HEBP2: variants seen among roughly 807,000 people sequenced by gnomAD.
The protein encoded by HEBP2 is heme binding protein 2, also known as heme-binding protein 2.
In HEBP2, 27 loss-of-function variants were observed where a neutral mutation model predicts 23.1. That is an observed-to-expected ratio of 1.17 (90% CI 0.86 to 1.61). The LOEUF is 1.61. Ranked by LOEUF, HEBP2 falls within the 40% of genes most tolerant of loss-of-function variation. The pLI is 0.00. For missense variants in HEBP2, 245 were observed against 253.8 expected, an observed-to-expected ratio of 0.97 and a Z score of 0.24; for synonymous variants, 99 against 95.1, an observed-to-expected ratio of 1.04 and a Z score of -0.24.
Position 138,421,353 on chromosome 6 carries a change from T to C in HEBP2, c.*8275T>C, listed in dbSNP as rs969232441. The C allele has an allele frequency of 6.6e-6, 1 of 152,134 alleles. No individual in the cohort carries two copies. Among genetic ancestry groups the C allele is most frequent in the Non-Finnish European group, 1.5e-5 (1 of 68,024 alleles). 9.4% of individuals were successfully genotyped at this position (152,134 alleles called of 1,614,324 possible). ...AGAAAGACGGAGACACAGAAACGTC[T>C]CCTTTTCACTGTGATTCTCCTAAGG... On this transcript the variant is annotated 3_prime_UTR_variant, in exon 4 of 4. Coordinates refer to ENST00000607197, the MANE Select transcript of HEBP2 (RefSeq NM_014320.3).
chr6:138,409,383 A>G (rs528721561), intron 3 of HEBP2, among the ~76,000 whole-genome samples: 1 of 152,304 alleles, frequency 6.6e-6, no homozygotes, highest in Non-Finnish European at 1.5e-5. Flanking sequence ...TTGATTGTCA[A>G]ATCTGGCCCA....
Position 138,413,169 on chromosome 6 carries a change from T to A in HEBP2, c.*91T>A. 1 of 964,964 alleles carries A rather than the reference T, an allele frequency of 1.0e-6. No homozygotes were observed. The highest frequency in any genetic ancestry group is 1.6e-6 in the Non-Finnish European group (1 of 623,066). The allele number at this position is 964,964 out of a possible 1,614,324, so 59.8% of individuals were successfully genotyped here. On this transcript the variant is annotated 3_prime_UTR_variant, in exon 4 of 4. Transcript: ENST00000607197. ...CTATAAGTAAAGTGCGTGTCTAGTG[T>A]CTTCTATTGAGAGTACTACTATTAA... is the stretch of plus-strand genomic sequence containing the variant.
At chr6:138,407,165 A>G (rs565616068) in intron 3 of HEBP2, among the ~76,000 whole-genome samples, 23 of 152,336 alleles carry the variant, frequency 1.5e-4, no homozygotes, top group Middle Eastern at 3.4e-3. Flanking sequence ...CAAAAGTCTT[A>G]ATTCATTCCA....
intron 1 of HEBP2, 48 bp downstream of exon 1, chr6:138,404,645 A>G: frequency 8.5e-7 from 1 of 1,173,928 alleles, no homozygotes; most frequent in Non-Finnish European, 1.1e-6. Context: ...CTTCCGGCTG[A>G]TTTGCAGTGA....
chr6:138,404,729 C>A, intron 1 of HEBP2, 132 bp downstream of exon 1: 1 of 536,510 alleles, frequency 1.9e-6, no homozygotes, highest in Non-Finnish European at 2.9e-6. Context: ...CACTATGCTA[C>A]GCAAACGAGA....
At chr6:138,410,479 CTTTTT>C (rs59336303) in intron 3 of HEBP2, among the ~76,000 whole-genome samples, 1 of 134,896 alleles carries the variant, frequency 7.4e-6, no homozygotes, top group Non-Finnish European at 1.6e-5. Flanking sequence ...ATGTTTCTTT[CTTTTT>C]TTTTTTTTTT....
intron 3 of HEBP2, among the ~76,000 whole-genome samples, chr6:138,410,635 C>T (rs1027602594): frequency 3.9e-5 from 6 of 152,058 alleles, no homozygotes; most frequent in Non-Finnish European, 5.9e-5. Flanking sequence ...GTCACCCCTC[C>T]TCACTATGCC....
rs1385609041 is a variant in HEBP2, at chr6:138,417,203, A to T, written c.*4125A>T. On this transcript the variant is annotated 3_prime_UTR_variant, in exon 4 of 4. Coordinates refer to ENST00000607197, the MANE Select transcript of HEBP2 (RefSeq NM_014320.3). The stretch of plus-strand genomic sequence containing the variant: ...AGCAGATCTCCTGGGCCTGCAGGTT[A>T]TCTGCCTAATCCCTGAATGTATAAT... The T allele has an allele frequency of 6.6e-6, 1 of 152,218 alleles. No individual in the cohort carries two copies. The highest frequency in any genetic ancestry group is 1.5e-5 in the Non-Finnish European group (1 of 68,042). 9.4% of individuals were successfully genotyped at this position (152,218 alleles called of 1,614,324 possible). A position where few individuals can be genotyped will look rare whatever the true frequency, so the allele number is the denominator to read the frequency against.
intron 3 of HEBP2, chr6:138,412,240 C>T (rs1774759344): frequency 5.9e-6 from 2 of 340,266 alleles, no homozygotes; most frequent in Non-Finnish European, 1.1e-5. Flanking sequence ...GAATCTGCAT[C>T]GTAGCAAAAT....
rs1774865239 is a variant in HEBP2, at chr6:138,417,928, G to C, written c.*4850G>C. 6.6e-6 allele frequency: 1 copy of C among 152,208 alleles called. No individual in the cohort carries two copies. The highest frequency in any genetic ancestry group is 2.4e-5 in the African/African-American group (1 of 41,430). 9.4% of individuals were successfully genotyped at this position (152,208 alleles called of 1,614,324 possible). ...CAGGTGGAGTCCTCCAACAGGTGTT[G>C]CCTTAGTACTGAGGTCAAATTGTCC... On this transcript the variant is annotated 3_prime_UTR_variant, in exon 4 of 4. Transcript: ENST00000607197.
At chr6:138,409,177 C>G (rs73570979) in intron 3 of HEBP2, among the ~76,000 whole-genome samples, 11,562 of 152,084 alleles carry the variant, frequency 0.076, 1,296 homozygotes, top group African/African-American at 0.25. Flanking sequence ...CCACCATGCC[C>G]AGCTAATTTA....
Position 138,420,594 on chromosome 6 carries a change from C to A in HEBP2, c.*7516C>A, listed in dbSNP as rs969696338. On this transcript the variant is annotated 3_prime_UTR_variant, in exon 4 of 4. Transcript: ENST00000607197. ...TCTCAAGACAGGAGGGGTTGGTGGC[C>A]AATGATTTCACTAAATTATGGAAAT... is the stretch of plus-strand genomic sequence containing the variant. 3.3e-5 allele frequency: 5 copies of A among 152,070 alleles called. No homozygotes were observed. Among genetic ancestry groups the A allele is most frequent in the African/African-American group, 1.2e-4 (5 of 41,384 alleles). The allele number at this position is 152,070 out of a possible 1,614,324, so 9.4% of individuals were successfully genotyped here.
rs201301894 is a variant in HEBP2, at chr6:138,405,297, T to G, written c.238+17T>G. Reference sequence around the variant, plus strand: ...ACGAGAAAGGTAAAAGCAGTTTTCCTTGTAATTATGCATATTGTGAAAGAG... The same window carrying G: ...ACGAGAAAGGTAAAAGCAGTTTTCCGTGTAATTATGCATATTGTGAAAGAG... On this transcript the variant is annotated intron_variant, in intron 2 of 3. Transcript: ENST00000607197. The G allele has an allele frequency of 3.1e-6, 5 of 1,613,992 alleles. No individual in the cohort carries two copies. The Admixed American group carries it at 8.3e-5, about 27-fold the overall frequency.
At chr6:138,412,684 C>A (rs1298793145) in intron 3 of HEBP2, among the ~76,000 whole-genome samples, 196 bp from the exon 4 acceptor site, 1 of 152,164 alleles carries the variant, frequency 6.6e-6, no homozygotes, top group Non-Finnish European at 1.5e-5. Flanking sequence ...GAACTCCTGA[C>A]CTCAAGTGAT....
chr6:138,412,352 G>T, intron 3 of HEBP2: 1 of 230,524 alleles, frequency 4.3e-6, no homozygotes, highest in Non-Finnish European at 8.7e-6. Context: ...TGGAAGGAGG[G>T]GATGCATCCT....
At position 138,416,402 on chromosome 6, in the gene HEBP2, T is replaced by C. The variant is rs1038651762; in HGVS notation, c.*3324T>C. ...GCCAGCATGGATATATGAGGCAAGG[T>C]GACCCATCAGACAATTATGTTCCAC... is the stretch of plus-strand genomic sequence containing the variant. On this transcript the variant is annotated 3_prime_UTR_variant, in exon 4 of 4. Transcript: ENST00000607197. The C allele has an allele frequency of 6.6e-6, 1 of 152,260 alleles. No homozygotes were observed. Among genetic ancestry groups the C allele is most frequent in the Non-Finnish European group, 1.5e-5 (1 of 68,112 alleles). The allele number at this position is 152,260 out of a possible 1,614,324, so 9.4% of individuals were successfully genotyped here.
chr6:138,404,990 A>T (rs1774615231), intron 1 of HEBP2, among the ~76,000 whole-genome samples, 155 bp from the exon 2 acceptor site: 1 of 151,064 alleles, frequency 6.6e-6, no homozygotes, highest in Non-Finnish European at 1.5e-5. Context: ...AACCTCCCAG[A>T]CCTAAGGAGC....
At chr6:138,404,119 C>G (rs887575953), upstream of HEBP2, 8 of 220,590 alleles carry the variant, frequency 3.6e-5, no homozygotes, top group Non-Finnish European at 6.1e-5. Flanking sequence ...AGCGCCACCC[C>G]CTACTGCCCG....
Position 138,414,393 on chromosome 6 carries a change from A to T in HEBP2, c.*1315A>T, listed in dbSNP as rs923070474. 1.3e-5 allele frequency: 2 copies of T among 152,212 alleles called. No homozygotes were observed. The highest frequency in any genetic ancestry group is 4.8e-5 in the African/African-American group (2 of 41,452). 9.4% of individuals were successfully genotyped at this position (152,212 alleles called of 1,614,324 possible). ...CAGAGTGAGGCCGCTGCTGATTAGC[A>T]TGATTTAGAAGCCTAGTTTGGAGGT... is the stretch of plus-strand genomic sequence containing the variant. On this transcript the variant is annotated 3_prime_UTR_variant, in exon 4 of 4. Transcript: ENST00000607197.
Sources: allele counts gnomAD v4.1 joint callset (sites outside exome capture counted in the v4.1 genomes callset), GRCh38; gene constraint gnomAD v4.1.1; transcripts MANE v1.5; gene names NCBI Gene and HGNC (gene_info 2026-07-23, HGNC 2026-07-21).